The following GRM1 variants were observed in gnomAD, a reference collection of about 807,000 sequenced individuals.
GRM1 encodes the protein glutamate metabotropic receptor 1, also known as metabotropic glutamate receptor 1.
A neutral mutation model predicts 90.9 loss-of-function variants in GRM1; 33 were observed. The observed-to-expected ratio is 0.36, with a 90% confidence interval of 0.28 to 0.49. The LOEUF is 0.49. Among genes scored for constraint, GRM1 ranks in the 20% least tolerant of loss-of-function variants. GRM1 has a pLI of 0.99. For synonymous variants in GRM1, 700 were observed against 613.2 expected (o/e 1.14, Z -2.09); for missense variants, 1,190 against 1,534.3 (o/e 0.78, Z 3.75).
At chr6:146,169,935 A>G (rs924341341) in intron 2 of GRM1, among the ~76,000 whole-genome samples, 3 of 152,216 alleles carry the variant, frequency 2.0e-5, no homozygotes, top group African/African-American at 7.2e-5. Flanking sequence ...CTTAGTGAGC[A>G]TAAAATGATA....
At chr6:146,090,342 G>T (rs1776674301) in intron 1 of GRM1, among the ~76,000 whole-genome samples, 1 of 152,040 alleles carries the variant, frequency 6.6e-6, no homozygotes, top group Non-Finnish European at 1.5e-5. Flanking sequence ...ATTTGGGGCA[G>T]CATATTTAGT....
At chr6:146,233,892 G>A (rs1021406958) in intron 2 of GRM1, among the ~76,000 whole-genome samples, 11 of 151,978 alleles carry the variant, frequency 7.2e-5, no homozygotes, top group African/African-American at 2.4e-4. Context: ...TAAGAAAAGA[G>A]GGTTGAAGAA....
intron 1 of GRM1, among the ~76,000 whole-genome samples, chr6:146,134,858 G>T (rs1776556205): frequency 6.6e-6 from 1 of 152,134 alleles, no homozygotes; most frequent in African/African-American, 2.4e-5. Context: ...GGGAACCCGG[G>T]AGGCAGAGCT....
At chr6:146,267,029 G>A (rs2114808008) in intron 2 of GRM1, among the ~76,000 whole-genome samples, 1 of 152,232 alleles carries the variant, frequency 6.6e-6, no homozygotes, top group Non-Finnish European at 1.5e-5. Flanking sequence ...TATTCTTCCT[G>A]ATGCTCTCCC....
chr6:146,045,349 A>G (rs931892961), intron 1 of GRM1, among the ~76,000 whole-genome samples: 4 of 152,162 alleles, frequency 2.6e-5, no homozygotes, highest in African/African-American at 9.6e-5. Context: ...TTCTCCCGCT[A>G]GAATACTTTG....
chr6:146,274,864 A>G (rs1225733841), intron 2 of GRM1, among the ~76,000 whole-genome samples: 1 of 152,060 alleles, frequency 6.6e-6, no homozygotes, highest in African/African-American at 2.4e-5. Context: ...GACAGAAGAC[A>G]CTTAGCTAAC....
At chr6:146,077,838 G>A (rs1281440419) in intron 1 of GRM1, among the ~76,000 whole-genome samples, 3 of 152,176 alleles carry the variant, frequency 2.0e-5, no homozygotes, top group Non-Finnish European at 4.4e-5. Flanking sequence ...TTTGGTGGAA[G>A]GACTTGGTCT....
At chr6:146,281,179 G>A (rs547573287) in intron 2 of GRM1, among the ~76,000 whole-genome samples, 8 of 152,212 alleles carry the variant, frequency 5.3e-5, no homozygotes, top group Non-Finnish European at 1.0e-4. Flanking sequence ...TTTGTTTTGA[G>A]CCTAACTTTT....
intron 2 of GRM1, among the ~76,000 whole-genome samples, chr6:146,243,306 C>T (rs2114739630): frequency 6.6e-6 from 1 of 152,070 alleles, no homozygotes; most frequent in South Asian, 2.1e-4. Context: ...CAAGAAAGTT[C>T]CTGTACTCAG....
At chr6:146,059,884 A>G (rs1775604223) in intron 1 of GRM1, among the ~76,000 whole-genome samples, 1 of 152,124 alleles carries the variant, frequency 6.6e-6, no homozygotes, top group African/African-American at 2.4e-5. Context: ...CTAAGCCTTC[A>G]TAGAATTGAA....
intron 1 of GRM1, among the ~76,000 whole-genome samples, chr6:146,033,788 T>A (rs1790788811): frequency 6.6e-6 from 1 of 152,062 alleles, no homozygotes; most frequent in Non-Finnish European, 1.5e-5. Flanking sequence ...AGTACTTTTT[T>A]ATTTGATATA....
intron 7 of GRM1, among the ~76,000 whole-genome samples, chr6:146,411,088 GA>G (rs1176937609): frequency 6.6e-6 from 1 of 152,172 alleles, no homozygotes; most frequent in Non-Finnish European, 1.5e-5. Context: ...TGACTTTGTG[GA>G]AACTGAAATC....
intron 5 of GRM1, chr6:146,364,810 A>G (rs1775616934): frequency 6.6e-6 from 1 of 151,230 alleles, no homozygotes; most frequent in South Asian, 2.1e-4. Flanking sequence ...TAAAGGGTAG[A>G]AATATCATCA....
intron 2 of GRM1, among the ~76,000 whole-genome samples, chr6:146,214,771 G>C (rs1057503949): frequency 6.6e-6 from 1 of 152,160 alleles, no homozygotes; most frequent in African/African-American, 2.4e-5. Flanking sequence ...AATTAGATCT[G>C]CTTTTGAAAA....
intron 7 of GRM1, among the ~76,000 whole-genome samples, chr6:146,426,218 C>A (rs1468329823): frequency 2.0e-5 from 3 of 152,086 alleles, no homozygotes; most frequent in African/African-American, 7.2e-5. Context: ...GAAGAATCAG[C>A]CTACATCAGT....
At chr6:146,044,890 A>G (rs565743296) in intron 1 of GRM1, among the ~76,000 whole-genome samples, 50 of 152,094 alleles carry the variant, frequency 3.3e-4, no homozygotes, top group African/African-American at 1.2e-3. Context: ...AATGCAGTCA[A>G]GGAGTCTTAA....
At chr6:146,343,847 C>T (rs1013751844) in intron 3 of GRM1, among the ~76,000 whole-genome samples, 1 of 152,014 alleles carries the variant, frequency 6.6e-6, no homozygotes, top group African/African-American at 2.4e-5. Flanking sequence ...TTGTATATTT[C>T]CTTCACCTGC....
At chr6:146,393,664 C>A (rs1023443349) in intron 6 of GRM1, among the ~76,000 whole-genome samples, 4 of 152,128 alleles carry the variant, frequency 2.6e-5, no homozygotes, top group African/African-American at 9.7e-5. Flanking sequence ...TAGGAAGCAT[C>A]AGTATCGTGA....
intron 3 of GRM1, among the ~76,000 whole-genome samples, chr6:146,330,465 A>G (rs1244859317): frequency 2.0e-5 from 3 of 152,116 alleles, no homozygotes; most frequent in Admixed American, 6.6e-5. Flanking sequence ...TATATTATAG[A>G]CTTTTATCCT....
Sources: gnomAD v4.1 joint callset for allele counts (sites outside exome capture counted in the v4.1 genomes callset) on GRCh38, gnomAD v4.1.1 for gene constraint, MANE v1.5 for transcripts, NCBI Gene and HGNC (gene_info 2026-07-23, HGNC 2026-07-21) for gene names.